The following MAOB variants were observed in gnomAD, a reference collection of about 807,000 sequenced individuals.
MAOB encodes amine oxidase [flavin-containing] B.
MAOB carries 15 observed loss-of-function variants against 41.9 expected under a neutral mutation model. The ratio of observed to expected loss-of-function variants is 0.36; its 90% CI spans 0.24 to 0.55. MAOB has a LOEUF of 0.55. Ranked by LOEUF, MAOB falls within the 20% of genes least tolerant of loss-of-function variation. MAOB has a pLI of 0.86. For missense variants in MAOB, 345 were observed against 398.7 expected (o/e 0.87, Z 1.15); for synonymous variants, 167 against 144.2 (o/e 1.16, Z -1.13).
intron 3 of MAOB, among the ~76,000 whole-genome samples, chrX:43,814,689 A>AT (rs1434427766): frequency 8.9e-6 from 1 of 111,934 alleles, no homozygotes; most frequent in Non-Finnish European, 1.9e-5. Context: ...GGTGTTTGAC[A>AT]TGCATGGGAT....
intron 8 of MAOB, among the ~76,000 whole-genome samples, chrX:43,783,220 C>T (rs1041508445): frequency 3.6e-5 from 4 of 111,971 alleles, no homozygotes; most frequent in Non-Finnish European, 7.5e-5. Flanking sequence ...TTGCAGATGA[C>T]ATGATTGTAT....
intron 12 of MAOB, among the ~76,000 whole-genome samples, chrX:43,774,275 TTAG>T (rs1312016122): frequency 8.9e-6 from 1 of 111,840 alleles, no homozygotes; most frequent in Non-Finnish European, 1.9e-5. Flanking sequence ...TGCTATATTA[TTAG>T]TTCATTTATT....
intron 3 of MAOB, among the ~76,000 whole-genome samples, chrX:43,831,272 T>A (rs1473454954): frequency 1.8e-5 from 2 of 111,688 alleles, no homozygotes; most frequent in African/African-American, 6.5e-5. Context: ...CCTAACCTCT[T>A]CTCATAGATC....
In MAOB at chrX:43,850,361, G is replaced by A. The variant is rs775168905; in HGVS notation, c.47-6597C>T. The A allele has an allele frequency of 1.1e-4, 80 of 747,109 alleles. No homozygotes were observed. In the African/African-American group the frequency reaches 1.8e-3, roughly 17 times the overall value. The allele number at this position is 747,109 out of a possible 1,213,427, so 61.6% of individuals were successfully genotyped here. A position where few individuals can be genotyped will look rare whatever the true frequency, so the allele number is the denominator to read the frequency against. On this transcript the variant is annotated intron_variant, in intron 1 of 14. Coordinates refer to ENST00000378069, the MANE Select transcript of MAOB (RefSeq NM_000898.5). ...AGTCTATCAATGTCCAAAGCCTTGG[G>A]ACTGTATCATTAGAGGAATATTTGC...
intron 11 of MAOB, among the ~76,000 whole-genome samples, chrX:43,775,789 G>T (rs1386219816): frequency 9.0e-6 from 1 of 111,493 alleles, no homozygotes; most frequent in African/African-American, 3.3e-5. Flanking sequence ...AACAACTATT[G>T]GTCTGAAAAA....
chrX:43,850,736 C>T (rs1326035981), intron 1 of MAOB, among the ~76,000 whole-genome samples: 1 of 111,776 alleles, frequency 8.9e-6, no homozygotes, highest in Admixed American at 9.5e-5. Flanking sequence ...AAACAAATGG[C>T]AATAGCTTGT....
intron 3 of MAOB, among the ~76,000 whole-genome samples, chrX:43,816,877 C>T (rs1161610821): frequency 9.0e-6 from 1 of 111,235 alleles, no homozygotes; most frequent in Non-Finnish European, 1.9e-5. Flanking sequence ...GGTTGCTAGG[C>T]TACCCTGAGG....
intron 3 of MAOB, among the ~76,000 whole-genome samples, chrX:43,817,081 CTT>C: frequency 9.1e-6 from 1 of 109,295 alleles, no homozygotes; most frequent in Middle Eastern, 4.7e-3. Flanking sequence ...CTCTCTCTCT[CTT>C]CTTCTTCTTT....
chrX:43,821,421 C>T (rs1209643086), intron 3 of MAOB, among the ~76,000 whole-genome samples: 1 of 111,976 alleles, frequency 8.9e-6, no homozygotes, highest in Non-Finnish European at 1.9e-5. Context: ...ACTCTCCTAT[C>T]CCGGCTGCAG....
intron 1 of MAOB, among the ~76,000 whole-genome samples, chrX:43,849,264 A>G (rs2035232617): frequency 8.9e-6 from 1 of 112,060 alleles, no homozygotes; most frequent in Admixed American, 9.5e-5. Flanking sequence ...TGAAGCATAG[A>G]GAGGCCAAGT....
At chrX:43,850,822 G>A (rs1428533599) in intron 1 of MAOB, among the ~76,000 whole-genome samples, 1 of 112,037 alleles carries the variant, frequency 8.9e-6, no homozygotes, top group Non-Finnish European at 1.9e-5. Flanking sequence ...AAAACATCAA[G>A]CTTTCATAAG....
chrX:43,854,628 T>C (rs1299599919), intron 1 of MAOB, among the ~76,000 whole-genome samples: 2 of 111,623 alleles, frequency 1.8e-5, no homozygotes, highest in African/African-American at 6.5e-5. Context: ...TGTATACCTA[T>C]GTAACAAACC....
intron 1 of MAOB, among the ~76,000 whole-genome samples, chrX:43,860,186 G>T (rs1263692318): frequency 9.0e-6 from 1 of 111,639 alleles, no homozygotes; most frequent in Non-Finnish European, 1.9e-5. Context: ...AGAGTCCCAG[G>T]ACTCCACTTT....
chrX:43,792,679 T>A (rs770638672), intron 8 of MAOB, among the ~76,000 whole-genome samples: 2 of 111,471 alleles, frequency 1.8e-5, no homozygotes, highest in East Asian at 5.6e-4. Context: ...TATTAAAAAG[T>A]CAAAAAATAA....
At chrX:43,796,877 GC>G (rs2034534310) in intron 6 of MAOB, among the ~76,000 whole-genome samples, 1 of 111,852 alleles carries the variant, frequency 8.9e-6, no homozygotes, top group African/African-American at 3.3e-5. Flanking sequence ...TAATAATTGA[GC>G]GTATGGAAAA....
At chrX:43,771,942 G>A (rs920291288) in intron 12 of MAOB, among the ~76,000 whole-genome samples, 2 of 111,353 alleles carry the variant, frequency 1.8e-5, no homozygotes, top group African/African-American at 6.5e-5. Context: ...CATCATAAAG[G>A]GGAACTCCAC....
intron 13 of MAOB, 47 bp downstream of exon 13, chrX:43,769,260 G>A: frequency 8.8e-7 from 1 of 1,138,949 alleles, no homozygotes; most frequent in Non-Finnish European, 1.2e-6. Context: ...TACATGTCAG[G>A]ACCATGAGTT....
chrX:43,772,251 C>G (rs1020545813), intron 12 of MAOB, among the ~76,000 whole-genome samples: 16 of 111,153 alleles, frequency 1.4e-4, no homozygotes, highest in Non-Finnish European at 3.8e-5. Flanking sequence ...TAGTTTCTAC[C>G]CTAAAAATTG....
At position 43,797,176 on chromosome X, in the gene MAOB, C is replaced by G; in HGVS notation, c.567G>C (p.Val189=). 8.3e-7 allele frequency: 1 copy of G among 1,208,162 alleles called. No homozygotes were observed. Among genetic ancestry groups the G allele is most frequent in the Non-Finnish European group, 1.1e-6 (1 of 892,779 alleles). ...TTCTTGTTGTGCCTCCACACTGCTT[C>G]ACATACCACAGGAACCAGAGAGCAG... ...EVSALWFLWY[V]KQCGGTTRII... is the part of the protein sequence containing the mutation. The change falls in exon 6 of 15, where the codon GTG becomes GTC. Residue 189 remains valine (V), a synonymous_variant. Transcript: ENST00000378069.
Sources: allele counts gnomAD v4.1 joint callset (sites outside exome capture counted in the v4.1 genomes callset), GRCh38; gene constraint gnomAD v4.1.1; transcripts MANE v1.5; gene names NCBI Gene and HGNC (gene_info 2026-07-23, HGNC 2026-07-21).